Variants in KMT2C observed in about 807,000 individuals in gnomAD.
The protein encoded by KMT2C is lysine methyltransferase 2C, also known as histone-lysine N-methyltransferase 2C.
KMT2C carries 88 observed loss-of-function variants against 507.9 expected under a neutral mutation model. The ratio of observed to expected loss-of-function variants is 0.17; its 90% CI spans 0.15 to 0.21. KMT2C has a LOEUF of 0.21. Among genes scored for constraint, KMT2C ranks in the 10% least tolerant of loss-of-function variants. The pLI is 1.00. For synonymous variants in KMT2C, 2,049 were observed against 2,080.8 expected, an observed-to-expected ratio of 0.98 and a Z score of 0.42; for missense variants, 4,954 against 5,957.8, an observed-to-expected ratio of 0.83 and a Z score of 5.55.
intron 9 of KMT2C, among the ~76,000 whole-genome samples, chr7:152,257,764 A>G (rs2095684952): frequency 6.6e-6 from 1 of 152,036 alleles, no homozygotes; most frequent in Admixed American, 6.6e-5. Context: ...GGGGTGTTCA[A>G]TGTTTTGGCT....
At position 152,163,033 on chromosome 7, in the gene KMT2C, A is replaced by G; in HGVS notation, c.10544T>C (p.Phe3515Ser). 6.2e-7 allele frequency: 1 copy of G among 1,614,214 alleles called. No individual in the cohort carries two copies. The highest frequency in any genetic ancestry group is 8.5e-7 in the Non-Finnish European group (1 of 1,180,024). Residue 3515 changes from phenylalanine to serine, a missense_variant, in exon 43 of 59, where the codon TTT (phenylalanine) becomes TCT (serine). Physicochemically the swap from Phe to Ser is radical, Grantham distance 155. Coordinates refer to ENST00000262189, the MANE Select transcript of KMT2C (RefSeq NM_170606.3). ...AGGGATTGATGGTGAATCAGGAACA[A>G]ATGAAGGAGGGCCTACCTGCCTTCG... is the stretch of plus-strand genomic sequence containing the variant. ...NERRQVGPPS[F>S]VPDSPSIPVG... is the part of the protein sequence containing the mutation.
chr7:152,370,617 T>C (rs73487303), intron 1 of KMT2C, among the ~76,000 whole-genome samples: 7,655 of 152,224 alleles, frequency 0.05, 324 homozygotes, highest in African/African-American at 0.11. Flanking sequence ...TCATCAAGAA[T>C]ATATTAGCAA....
intron 10 of KMT2C, 21 bp from the exon 11 acceptor site, chr7:152,252,111 A>G: frequency 6.5e-7 from 1 of 1,542,018 alleles, no homozygotes; most frequent in Non-Finnish European, 8.8e-7. Context: ...AAGTATACTT[A>G]AATAAAAATT....
In KMT2C at chr7:152,194,256, T is replaced by C. The variant is rs1267002120; in HGVS notation, c.4513A>G (p.Ile1505Val). The change falls in exon 30 of 59, where the codon ATT (isoleucine) becomes GTT (valine). Residue 1505 changes from isoleucine (I) to valine (V), a missense_variant. Physicochemically the swap from Ile to Val is conservative, Grantham distance 29. Transcript: ENST00000262189. The stretch of plus-strand genomic sequence containing the variant: ...GGAATTTTATATAATTTTCCAAGAA[T>C]TGCTCCTAGAATAAATTAAAAAAAA... ...ELDKMVTDGA[I>V]LGKLYKIPEL... 2.0e-6 allele frequency: 3 copies of C among 1,501,510 alleles called. No individual in the cohort carries two copies. The highest frequency in any genetic ancestry group is 4.6e-5 in the East Asian group (2 of 43,834). 93.0% of individuals were successfully genotyped at this position (1,501,510 alleles called of 1,614,324 possible).
At chr7:152,307,206 G>A (rs983857195) in intron 6 of KMT2C, among the ~76,000 whole-genome samples, 2 of 113,410 alleles carry the variant, frequency 1.8e-5, no homozygotes, top group African/African-American at 4.3e-5. Context: ...AGGAAGGAAG[G>A]AAGGAAGGAA....
rs548082590 is a variant in KMT2C at position 152,394,434 on chromosome 7, C to T, written c.162-35759G>A. Among the ~76,000 whole-genome samples the T allele has an allele frequency of 8.5e-5, 13 of 152,414 alleles. No homozygotes were observed. The South Asian group carries it at 2.7e-3, about 32-fold the overall frequency. On this transcript the variant is annotated intron_variant, in intron 1 of 58. Transcript: ENST00000262189. The stretch of plus-strand genomic sequence containing the variant: ...TTCTATGAACATGCTAAGCACATTC[C>T]TGCCTCTGGGGCTTTTGCACTCACT...
chr7:152,316,210 C>T (rs1243281826), intron 3 of KMT2C, among the ~76,000 whole-genome samples: 1 of 152,024 alleles, frequency 6.6e-6, no homozygotes, highest in Admixed American at 6.6e-5. Flanking sequence ...GCCAGTGAAA[C>T]CATTTTATAT....
At chr7:152,178,371 G>A (rs1466622564) in intron 37 of KMT2C, among the ~76,000 whole-genome samples, 1 of 152,120 alleles carries the variant, frequency 6.6e-6, no homozygotes, top group Non-Finnish European at 1.5e-5. Flanking sequence ...TATATTTAGG[G>A]AGGTTCGATG....
intron 11 of KMT2C, 26 bp from the exon 12 acceptor site, chr7:152,250,992 A>G (rs369082093): frequency 1.5e-4 from 196 of 1,305,304 alleles, no homozygotes; most frequent in Non-Finnish European, 2.1e-4. Context: ...TTAATTCTTT[A>G]GCTCAGAATG....
chr7:152,348,621 A>G (rs796871009), intron 2 of KMT2C, among the ~76,000 whole-genome samples: 429 of 143,160 alleles, frequency 3.0e-3, no homozygotes, highest in African/African-American at 9.8e-3. Flanking sequence ...AAAAAAAAAA[A>G]AAAGAAAGAA....
intron 7 of KMT2C, among the ~76,000 whole-genome samples, chr7:152,272,274 T>C (rs1172338321): frequency 6.6e-6 from 1 of 152,208 alleles, no homozygotes; most frequent in Non-Finnish European, 1.5e-5. Flanking sequence ...ACTGAAGGTA[T>C]ACACTGTTAG....
intron 6 of KMT2C, among the ~76,000 whole-genome samples, chr7:152,290,258 GTATATATATATATATATATATATA>G (rs746466676): frequency 1.5e-4 from 4 of 26,264 alleles, no homozygotes; most frequent in Admixed American, 7.8e-4. Flanking sequence ...GTGTGTATGT[GTATATATATATATATATATATATA>G]TATATATATA....
At chr7:152,369,077 C>T (rs2097271397) in intron 1 of KMT2C, among the ~76,000 whole-genome samples, 1 of 151,664 alleles carries the variant, frequency 6.6e-6, no homozygotes, top group Non-Finnish European at 1.5e-5. Flanking sequence ...AATCCCAGCA[C>T]TTTGGAAGGC....
intron 26 of KMT2C, among the ~76,000 whole-genome samples, chr7:152,201,617 G>GAT (rs2094144821): frequency 4.4e-5 from 1 of 22,874 alleles, no homozygotes; most frequent in Non-Finnish European, 1.9e-4. Context: ...CAACAAAGAT[G>GAT]AAAAAAAAAA....
At position 152,148,319 on chromosome 7, in the gene KMT2C, A is replaced by G. The variant is rs1411350486; in HGVS notation, c.13608T>C (p.Ala4536=). Reference sequence around the variant, plus strand: ...CCCGTTCTCCTCGTTGCACGATGCTAGCAATCTGTCGCACCTCATCACGCT... The same window carrying G: ...CCCGTTCTCCTCGTTGCACGATGCTGGCAATCTGTCGCACCTCATCACGCT... ...YVQRDEVRQI[A]SIVQRGERDH... is the part of the protein sequence containing the mutation. Residue 4536 remains alanine (A), a synonymous_variant, in exon 52 of 59, where the codon GCT becomes GCC. Coordinates refer to ENST00000262189, the MANE Select transcript of KMT2C (RefSeq NM_170606.3). This position sits in a 1 kb window ranked among gnomAD's most constrained non-coding sequence, Gnocchi z 7.1. 4 of 1,614,272 alleles carry G rather than the reference A, an allele frequency of 2.5e-6. No individual in the cohort carries two copies. The South Asian group carries it at 3.3e-5, about 13-fold the overall frequency.
rs1174387193 is a variant in KMT2C, at chr7:152,176,462, T to C, written c.8991A>G (p.Gln2997=). 7 of 1,614,078 alleles carry C rather than the reference T, an allele frequency of 4.3e-6. No individual in the cohort carries two copies. The highest frequency in any genetic ancestry group is 2.7e-5 in the African/African-American group (2 of 74,914). The change falls in exon 38 of 59, where the codon CAA becomes CAG. Residue 2997 remains glutamine (Q), a synonymous_variant. Transcript: ENST00000262189. ...TCCCCAGACTGTGGTTAACTGTTGA[T>C]TGACCTGGAATGAGCCCTGGGTTTA... is the stretch of plus-strand genomic sequence containing the variant. ...VQVNPGLIPG[Q]STVNHSLGTG... is the part of the protein sequence containing the mutation.
intron 55 of KMT2C, among the ~76,000 whole-genome samples, chr7:152,140,054 T>G (rs1268728836): frequency 6.6e-6 from 1 of 152,242 alleles, no homozygotes. Context: ...TACTGTGGCT[T>G]GGCTGTCTTA....
chr7:152,248,244 A>C lies in KMT2C; in HGVS notation c.2190T>G (p.Ser730=). Residue 730 remains serine, a synonymous_variant, in exon 14 of 59, where the codon TCT becomes TCG. Transcript: ENST00000262189. The part of the protein sequence containing the change: ...LQGEKEQKEN[S]ELSTGLMDSE... ...AGTCCATCAATCCAGTAGAAAGTTC[A>C]GAATTTTCTTTCTGTTCCTTTTCTC... 1 of 1,613,966 alleles carries C rather than the reference A, an allele frequency of 6.2e-7. No homozygotes were observed. Among genetic ancestry groups the C allele is most frequent in the Non-Finnish European group, 8.5e-7 (1 of 1,179,834 alleles).
chr7:152,256,676 T>C (rs1291470540), intron 9 of KMT2C, among the ~76,000 whole-genome samples: 2 of 152,090 alleles, frequency 1.3e-5, no homozygotes. Flanking sequence ...TAGGGGAAAA[T>C]GCCAAAATCT....
Sources: gnomAD v4.1 joint callset for allele counts (sites outside exome capture counted in the v4.1 genomes callset) on GRCh38, gnomAD v4.1.1 for gene constraint, Gnocchi (gnomAD v3.1) non-coding constraint, MANE v1.5 for transcripts, NCBI Gene and HGNC (gene_info 2026-07-23, HGNC 2026-07-21) for gene names.